The following SLC26A5 variants were observed in gnomAD, a reference collection of about 807,000 sequenced individuals.
The protein encoded by SLC26A5 is solute carrier family 26 member 5.
In SLC26A5, 51 loss-of-function variants were observed where a neutral mutation model predicts 81.0. The ratio of observed to expected loss-of-function variants is 0.63; its 90% CI spans 0.50 to 0.80. The LOEUF (loss-of-function observed/expected upper bound fraction) is 0.80. Among genes scored for constraint, SLC26A5 ranks in the 30% least tolerant of loss-of-function variants. The pLI is 0.00. For missense variants in SLC26A5, 771 were observed against 905.8 expected, an observed-to-expected ratio of 0.85 and a Z score of 1.91; for synonymous variants, 325 against 332.8, an observed-to-expected ratio of 0.98 and a Z score of 0.25.
At chr7:103,441,708 C>T (rs941009688) in intron 2 of SLC26A5, among the ~76,000 whole-genome samples, 5 of 152,160 alleles carry the variant, frequency 3.3e-5, no homozygotes, top group Admixed American at 6.6e-5. Context: ...GAGATGTTAT[C>T]GTCTCTGGGG....
chr7:103,397,254 A>G (rs1473748848), intron 9 of SLC26A5, among the ~76,000 whole-genome samples: 1 of 151,980 alleles, frequency 6.6e-6, no homozygotes, highest in Non-Finnish European at 1.5e-5. Flanking sequence ...TAAAAATATA[A>G]AAATTAGCCG....
downstream of SLC26A5, among the ~76,000 whole-genome samples, chr7:103,369,811 G>C (rs187229017): frequency 4.6e-5 from 7 of 152,272 alleles, no homozygotes; most frequent in East Asian, 1.3e-3. Flanking sequence ...GTAGAATCCT[G>C]TTTAAAAACT....
chr7:103,358,763 G>C (rs144003938), intron 19 of SLC26A5, among the ~76,000 whole-genome samples: 3 of 151,842 alleles, frequency 2.0e-5, no homozygotes, highest in Admixed American at 2.0e-4. Flanking sequence ...TTTCTAGGCC[G>C]TATGAGGGGA....
At chr7:103,412,072 G>A (rs1402632968) in intron 5 of SLC26A5, among the ~76,000 whole-genome samples, 1 of 152,166 alleles carries the variant, frequency 6.6e-6, no homozygotes, top group Non-Finnish European at 1.5e-5. Context: ...AGAGGGAAGG[G>A]AGGGAGGAAA....
At chr7:103,387,686 T>A (rs928564336) in intron 14 of SLC26A5, among the ~76,000 whole-genome samples, 12 of 152,326 alleles carry the variant, frequency 7.9e-5, no homozygotes, top group African/African-American at 2.2e-4. Flanking sequence ...TATTTTATTT[T>A]AAAAAATTTT....
At chr7:103,355,801 C>T (rs377307873) in intron 19 of SLC26A5, 26 of 1,597,840 alleles carry the variant, frequency 1.6e-5, no homozygotes, top group East Asian at 2.2e-5. Flanking sequence ...CAGGTATGCA[C>T]GGGTGCTCTG....
At chr7:103,442,690 A>G (rs1297000692) in intron 2 of SLC26A5, among the ~76,000 whole-genome samples, 1 of 152,226 alleles carries the variant, frequency 6.6e-6, no homozygotes, top group African/African-American at 2.4e-5. Context: ...ATTAAGGTCC[A>G]AAGAATTTAA....
In SLC26A5 at chr7:103,422,525, A is replaced by G. The variant is rs546193563; in HGVS notation, c.-53-958T>C. Among the ~76,000 whole-genome samples the G allele has an allele frequency of 3.9e-5, 6 of 152,312 alleles. No homozygotes were observed. The South Asian group carries it at 1.2e-3, about 32-fold the overall frequency. ...TTACATATATTTGTAGTAAAAGTAT[A>G]AAACCACTCATGACAACAATAAATA... On this transcript the variant is annotated intron_variant, in intron 2 of 19. Coordinates refer to ENST00000306312, the MANE Select transcript of SLC26A5 (RefSeq NM_198999.3).
intron 2 of SLC26A5, among the ~76,000 whole-genome samples, chr7:103,431,375 T>C (rs1012652079): frequency 1.3e-5 from 2 of 151,574 alleles, no homozygotes; most frequent in African/African-American, 4.9e-5. Flanking sequence ...CAGGCTGGAG[T>C]GCAGTGGTGT....
chr7:103,409,746 C>T (rs1462346742), intron 7 of SLC26A5, among the ~76,000 whole-genome samples: 2 of 151,550 alleles, frequency 1.3e-5, no homozygotes, highest in Admixed American at 6.6e-5. Flanking sequence ...CTTGCTCTGT[C>T]GCTCAGGCTG....
chr7:103,372,271 G>A (rs1187343196), downstream of SLC26A5, among the ~76,000 whole-genome samples: 1 of 152,236 alleles, frequency 6.6e-6, no homozygotes, highest in East Asian at 1.9e-4. Context: ...TGAGAAATCT[G>A]ATAGGAGTTA....
At position 103,374,602 on chromosome 7, in the gene SLC26A5, G is replaced by A. The variant is rs886061847; in HGVS notation, c.2042-10C>T. ...TCATTCACAACTTGTGCTATTAAAA[G>A]AAGAAAAGAAAATTAGTCCACACTC... On this transcript the variant is annotated splice_polypyrimidine_tract_variant and intron_variant, in intron 19 of 19. Transcript: ENST00000306312. The A allele has an allele frequency of 1.9e-6, 3 of 1,610,814 alleles. No homozygotes were observed. Among genetic ancestry groups the A allele is most frequent in the Non-Finnish European group, 2.5e-6 (3 of 1,178,778 alleles).
At chr7:103,378,896 T>C (rs1821561774) in intron 16 of SLC26A5, among the ~76,000 whole-genome samples, 1 of 152,182 alleles carries the variant, frequency 6.6e-6, no homozygotes, top group Admixed American at 6.6e-5. Flanking sequence ...GGTTGAGTTC[T>C]AAACATGACC....
chr7:103,362,795 T>G, intron 19 of SLC26A5: 1 of 209,200 alleles, frequency 4.8e-6, no homozygotes. Flanking sequence ...AGGCTATGTC[T>G]TTTTTTTTTT....
intron 8 of SLC26A5, among the ~76,000 whole-genome samples, chr7:103,398,503 C>T (rs547632160): frequency 3.6e-4 from 55 of 152,286 alleles, no homozygotes; most frequent in Middle Eastern, 3.4e-3. Flanking sequence ...AGGGCCCCAG[C>T]AGCAACCCAT....
intron 1 of SLC26A5, 151 bp downstream of exon 1, chr7:103,445,947 G>C (rs954002574): frequency 6.6e-5 from 10 of 150,510 alleles, no homozygotes; most frequent in Non-Finnish European, 1.0e-4. Context: ...TCACCGGTTC[G>C]TTTAGGGAAA....
chr7:103,441,359 T>C (rs1447722428), intron 2 of SLC26A5, among the ~76,000 whole-genome samples: 1 of 152,196 alleles, frequency 6.6e-6, no homozygotes, highest in Non-Finnish European at 1.5e-5. Flanking sequence ...ATTTAGTAAG[T>C]CCTAACTCTA....
At chr7:103,399,004 C>G (rs1034748780) in intron 8 of SLC26A5, among the ~76,000 whole-genome samples, 1 of 152,048 alleles carries the variant, frequency 6.6e-6, no homozygotes, top group Non-Finnish European at 1.5e-5. Context: ...GCTCCTGGAG[C>G]TATAATTTTA....
chr7:103,371,403 C>CG, downstream of SLC26A5, among the ~76,000 whole-genome samples: 1 of 151,220 alleles, frequency 6.6e-6, no homozygotes, highest in Admixed American at 6.6e-5. Flanking sequence ...CGGCTCACTG[C>CG]AAGCTCCGCC....
Sources: allele counts gnomAD v4.1 joint callset (sites outside exome capture counted in the v4.1 genomes callset), GRCh38; gene constraint gnomAD v4.1.1; transcripts MANE v1.5; gene names NCBI Gene and HGNC (gene_info 2026-07-23, HGNC 2026-07-21).